Variants in TNIK observed in about 807,000 individuals in gnomAD.
TNIK encodes the protein TRAF2 and NCK-interacting protein kinase.
Under a neutral mutation model 191.3 loss-of-function variants are expected in TNIK, and 49 were observed. That is an observed-to-expected ratio of 0.26 (90% CI 0.20 to 0.32). The LOEUF (loss-of-function observed/expected upper bound fraction) is 0.32, where lower values mean the gene tolerates loss of function less well. Among genes scored for constraint, TNIK ranks in the 10% least tolerant of loss-of-function variants. The pLI is 1.00. For synonymous variants in TNIK, 594 were observed against 600.9 expected (o/e 0.99, Z 0.17); for missense variants, 1,155 against 1,702.3 (o/e 0.68, Z 5.66).
chr3:171,123,607 G>A lies in TNIK; in HGVS notation c.2109C>T (p.Pro703=), dbSNP rs1196043083. 4 of 1,562,370 alleles carry A rather than the reference G, an allele frequency of 2.6e-6. No homozygotes were observed. Among genetic ancestry groups the A allele is most frequent in the Non-Finnish European group, 3.5e-6 (4 of 1,151,466 alleles). ...CCTTCCTTTCTTACCTTGCTCTGAT[G>A]GGTTGAGATCCTAGTCTGGGTCCCA... The part of the protein sequence containing the change: ...SALGPRLGSQ[P]IRASNPDLRR... The change falls in exon 18 of 33, where the codon CCC becomes CCT. Residue 703 remains proline (P), a synonymous_variant. Transcript: ENST00000436636.
At chr3:171,157,706 G>T (rs1457287478) in intron 11 of TNIK, 42 bp from the exon 12 acceptor site, 1 of 1,545,060 alleles carries the variant, frequency 6.5e-7, no homozygotes, top group Non-Finnish European at 8.8e-7. Context: ...CGTGGGGCAG[G>T]GGCCATGGCT....
chr3:171,125,913 T>C lies in TNIK; in HGVS notation c.2012A>G (p.Lys671Arg), dbSNP rs1029729279. The C allele has an allele frequency of 6.2e-7, 1 of 1,613,942 alleles. No homozygotes were observed. The highest frequency in any genetic ancestry group is 1.7e-5 in the Admixed American group (1 of 60,028). Residue 671 changes from lysine (K) to arginine (R), a missense_variant and splice_region_variant, in exon 17 of 33, where the codon AAG (lysine) becomes AGG (arginine). Physicochemically the swap from Lys to Arg is conservative, Grantham distance 26 (BLOSUM62 2). This residue lies in a region of TNIK where 735 missense variants were observed against 848.0 expected (regional missense o/e 0.87). Coordinates refer to ENST00000436636, the MANE Select transcript of TNIK (RefSeq NM_015028.4). ...AAAAAACACCCCAGTAAATATTACC[T>C]TTGGTGGAATGTCTTCTTCCTGTCG... ...WLRQEEDIPP[K>R]VPQRTTSISP...
intron 15 of TNIK, among the ~76,000 whole-genome samples, chr3:171,132,370 A>G (rs1207998311): frequency 1.3e-5 from 2 of 152,214 alleles, no homozygotes; most frequent in African/African-American, 2.4e-5. Context: ...CAAAAATGCT[A>G]TACTATTTAC....
chr3:171,339,811 G>A (rs536398700), intron 2 of TNIK, among the ~76,000 whole-genome samples: 4 of 152,310 alleles, frequency 2.6e-5, no homozygotes, highest in East Asian at 3.9e-4. Context: ...GCTGCCAGAC[G>A]AGGCCTTCTG....
At chr3:171,257,546 C>T (rs1747038917) in intron 2 of TNIK, among the ~76,000 whole-genome samples, 1 of 152,198 alleles carries the variant, frequency 6.6e-6, no homozygotes, top group South Asian at 2.1e-4. Flanking sequence ...CATCACAGCA[C>T]TCTGTCCTTG....
intron 12 of TNIK, among the ~76,000 whole-genome samples, chr3:171,146,857 G>A (rs1222726261): frequency 3.4e-5 from 5 of 146,798 alleles, no homozygotes; most frequent in African/African-American, 5.1e-5. Context: ...GCCACTGTAC[G>A]AGATTGTGCC....
At chr3:171,124,202 A>G (rs909371385) in intron 17 of TNIK, among the ~76,000 whole-genome samples, 3 of 152,250 alleles carry the variant, frequency 2.0e-5, no homozygotes, top group Non-Finnish European at 4.4e-5. Context: ...GACATAAGTC[A>G]TATGTTGGTG....
At position 171,232,954 on chromosome 3, in the gene TNIK, T is replaced by C. The variant is rs182422096; in HGVS notation, c.124-4733A>G. Among the ~76,000 whole-genome samples the C allele has an allele frequency of 1.6e-4, 24 of 152,362 alleles. No individual in the cohort carries two copies. The East Asian group carries it at 3.5e-3, about 22-fold the overall frequency. ...ATAAGCTTCACTTTTGTTATTGTTG[T>C]TATTTTCTAAGGAAGAGCAAGAGGG... On this transcript the variant is annotated intron_variant, in intron 2 of 32. Coordinates refer to ENST00000436636, the MANE Select transcript of TNIK (RefSeq NM_015028.4).
At position 171,138,166 on chromosome 3, in the gene TNIK, G is replaced by A. The variant is rs1351108986; in HGVS notation, c.1608+25C>T. 4 of 1,542,898 alleles carry A rather than the reference G, an allele frequency of 2.6e-6. No individual in the cohort carries two copies. In the East Asian group the frequency reaches 6.9e-5, roughly 27 times the overall value. ...TTAGAGTCAAAAGCCTGGCCAACAG[G>A]GTGAGGCTACCCTTGCTTACTTACC... On this transcript the variant is annotated intron_variant, in intron 15 of 32. Transcript: ENST00000436636.
chr3:171,104,546 A>C (rs983159328), intron 21 of TNIK, among the ~76,000 whole-genome samples: 1 of 148,968 alleles, frequency 6.7e-6, no homozygotes, highest in African/African-American at 2.4e-5. Context: ...GAGGCTTAAC[A>C]GTTTTTAGAA....
rs558385657 is a variant in TNIK at position 171,279,298 on chromosome 3, A to G, written c.124-51077T>C. On this transcript the variant is annotated intron_variant, in intron 2 of 32. Transcript: ENST00000436636. ...GTTTATAGTTTGCTTTTTTCTATTT[A>G]CTTTGTTTTCAAATATTTCCATGTC... Among the ~76,000 whole-genome samples, 7 of 152,286 alleles carry G rather than the reference A, an allele frequency of 4.6e-5. No homozygotes were observed. The South Asian group carries it at 1.0e-3, about 23-fold the overall frequency.
intron 30 of TNIK, among the ~76,000 whole-genome samples, chr3:171,067,523 A>C: frequency 6.6e-6 from 1 of 151,970 alleles, no homozygotes. Flanking sequence ...ACAAAAAATT[A>C]GCCGGGCATG....
intron 2 of TNIK, among the ~76,000 whole-genome samples, chr3:171,297,972 T>G (rs188320515): frequency 1.4e-4 from 22 of 152,340 alleles, no homozygotes; most frequent in Non-Finnish European, 2.6e-4. Context: ...TTTCATTTCC[T>G]CCAAGAAAGG....
At chr3:171,230,691 C>T (rs1480481556) in intron 2 of TNIK, among the ~76,000 whole-genome samples, 1 of 152,160 alleles carries the variant, frequency 6.6e-6, no homozygotes, top group Non-Finnish European at 1.5e-5. Context: ...TCTCTCTTTC[C>T]AGATTCAATT....
intron 2 of TNIK, among the ~76,000 whole-genome samples, chr3:171,361,445 A>G (rs1398318676): frequency 2.0e-5 from 3 of 152,174 alleles, no homozygotes; most frequent in Non-Finnish European, 4.4e-5. Flanking sequence ...CCATGTTCAC[A>G]TGACAACCAT....
At chr3:171,085,050 T>G in intron 25 of TNIK, 68 bp downstream of exon 25, 1 of 1,298,374 alleles carries the variant, frequency 7.7e-7, no homozygotes, top group Admixed American at 2.3e-5. Flanking sequence ...GAGGATTAAT[T>G]TCCTTATCAG....
At chr3:171,304,777 A>G (rs146292743) in intron 2 of TNIK, among the ~76,000 whole-genome samples, 6,322 of 151,796 alleles carry the variant, frequency 0.042, 155 homozygotes, top group Middle Eastern at 0.062. Flanking sequence ...ACCAAACACC[A>G]CATGTTCTCA....
intron 1 of TNIK, among the ~76,000 whole-genome samples, chr3:171,389,377 C>T (rs1719158542): frequency 6.6e-6 from 1 of 152,168 alleles, no homozygotes; most frequent in East Asian, 1.9e-4. Context: ...TTTTCAATTG[C>T]ACATTAATAA....
At chr3:171,425,472 A>T (rs1724428428) in intron 1 of TNIK, among the ~76,000 whole-genome samples, 1 of 151,994 alleles carries the variant, frequency 6.6e-6, no homozygotes, top group Admixed American at 6.6e-5. Flanking sequence ...CCCCACAATA[A>T]TTTTTTCCTC....
Sources: gnomAD v4.1 joint callset for allele counts (sites outside exome capture counted in the v4.1 genomes callset) on GRCh38, gnomAD v4.1.1 for gene constraint, gnomAD v4.1.1 regional missense constraint, MANE v1.5 for transcripts, NCBI Gene and HGNC (gene_info 2026-07-23, HGNC 2026-07-21) for gene names.